Variants in DIP2B observed in about 807,000 individuals in gnomAD.
DIP2B encodes disco-interacting protein 2 homolog B.
A neutral mutation model predicts 198.0 loss-of-function variants in DIP2B; 76 were observed. The observed-to-expected ratio is 0.38, with a 90% confidence interval of 0.32 to 0.46. The LOEUF is 0.46. Ranked by LOEUF, DIP2B falls within the 20% of genes least tolerant of loss-of-function variation. The probability of loss-of-function intolerance (pLI) is 0.99; values close to 1 mark genes in which losing one functional copy is unlikely to be tolerated. For synonymous variants in DIP2B, 701 were observed against 739.1 expected, an observed-to-expected ratio of 0.95 and a Z score of 0.84; for missense variants, 1,559 against 1,978.4, an observed-to-expected ratio of 0.79 and a Z score of 4.02.
At chr12:50,619,216 A>G (rs1258195380) in intron 1 of DIP2B, among the ~76,000 whole-genome samples, 1 of 152,226 alleles carries the variant, frequency 6.6e-6, no homozygotes, top group Non-Finnish European at 1.5e-5. Context: ...ATGACCCTCC[A>G]GAATTTTTCA....
intron 1 of DIP2B, among the ~76,000 whole-genome samples, chr12:50,516,222 T>C (rs1161323792): frequency 1.4e-5 from 2 of 145,356 alleles, no homozygotes; most frequent in Admixed American, 1.4e-4. Context: ...CATCTCTCTC[T>C]CTCTCTCTCT....
At chr12:50,685,017 A>G (rs984836343) in intron 10 of DIP2B, among the ~76,000 whole-genome samples, 10 of 152,192 alleles carry the variant, frequency 6.6e-5, no homozygotes, top group African/African-American at 2.4e-4. Flanking sequence ...GCCTGAACCC[A>G]GGAGGTGGAA....
intron 3 of DIP2B, among the ~76,000 whole-genome samples, chr12:50,647,281 C>A (rs921631227): frequency 2.0e-5 from 3 of 152,132 alleles, no homozygotes; most frequent in Non-Finnish European, 2.9e-5. Flanking sequence ...TTCTCCCCCC[C>A]GCCCAAAACA....
chr12:50,553,023 A>G (rs1236563166), intron 1 of DIP2B, among the ~76,000 whole-genome samples: 1 of 151,950 alleles, frequency 6.6e-6, no homozygotes, highest in African/African-American at 2.4e-5. Context: ...CTTATTAGAG[A>G]CGGGGTTTTG....
chr12:50,529,715 C>T (rs987405133), intron 1 of DIP2B, among the ~76,000 whole-genome samples: 9 of 151,904 alleles, frequency 5.9e-5, no homozygotes, highest in Admixed American at 3.3e-4. Context: ...AAAAAGTAGC[C>T]GGGTGTGGTG....
At chr12:50,517,129 C>T (rs2139346973) in intron 1 of DIP2B, among the ~76,000 whole-genome samples, 3 of 152,144 alleles carry the variant, frequency 2.0e-5, no homozygotes, top group Admixed American at 2.0e-4. Context: ...CCGTGTTAGC[C>T]AGGATGGTCT....
intron 17 of DIP2B, 79 bp from the exon 18 acceptor site, chr12:50,698,249 G>T (rs1939353127): frequency 6.6e-7 from 1 of 1,506,354 alleles, no homozygotes; most frequent in African/African-American, 1.4e-5. Context: ...GTAGCCAGAG[G>T]AAATTTGTCT....
intron 1 of DIP2B, among the ~76,000 whole-genome samples, chr12:50,576,384 T>C (rs1958661193): frequency 6.6e-6 from 1 of 151,604 alleles, no homozygotes. Context: ...TTTTTACATT[T>C]TTAAATGCTT....
At chr12:50,534,191 AT>A (rs1190769503) in intron 1 of DIP2B, among the ~76,000 whole-genome samples, 11 of 152,070 alleles carry the variant, frequency 7.2e-5, no homozygotes, top group Non-Finnish European at 1.5e-4. Context: ...GGGACAAGAG[AT>A]TCATCTGGTC....
At chr12:50,536,171 G>A (rs1441233630) in intron 1 of DIP2B, among the ~76,000 whole-genome samples, 4 of 152,032 alleles carry the variant, frequency 2.6e-5, no homozygotes, top group Non-Finnish European at 4.4e-5. Flanking sequence ...GTGTGCATGT[G>A]TCTTTATAGC....
At chr12:50,738,520 G>C (rs1940178885) in intron 35 of DIP2B, among the ~76,000 whole-genome samples, 1 of 151,996 alleles carries the variant, frequency 6.6e-6, no homozygotes, top group Non-Finnish European at 1.5e-5. Flanking sequence ...GTATTGCTCT[G>C]TCACCCAGGC....
intron 1 of DIP2B, among the ~76,000 whole-genome samples, chr12:50,525,719 C>T (rs1158705242): frequency 6.6e-6 from 1 of 152,020 alleles, no homozygotes; most frequent in African/African-American, 2.4e-5. Context: ...CACTCTGTTG[C>T]CCAGACTTGT....
chr12:50,634,175 T>C (rs1938116143), intron 2 of DIP2B, among the ~76,000 whole-genome samples: 2 of 152,166 alleles, frequency 1.3e-5, no homozygotes, highest in Non-Finnish European at 2.9e-5. Context: ...ATGTCTCAAT[T>C]AGCAGACTTC....
chr12:50,739,285 A>G, intron 35 of DIP2B, 124 bp from the exon 36 acceptor site: 3 of 1,065,442 alleles, frequency 2.8e-6, no homozygotes, highest in South Asian at 3.4e-5. Flanking sequence ...AGCTGCCTTT[A>G]TTGATGCAGT....
intron 1 of DIP2B, among the ~76,000 whole-genome samples, chr12:50,505,903 C>T (rs1957964615): frequency 6.6e-6 from 1 of 151,708 alleles, no homozygotes; most frequent in Non-Finnish European, 1.5e-5. Context: ...CCGAATTTTC[C>T]GCATCTGGTC....
At chr12:50,674,786 A>G (rs533335059) in intron 6 of DIP2B, among the ~76,000 whole-genome samples, 157 bp downstream of exon 6, 2 of 152,388 alleles carry the variant, frequency 1.3e-5, no homozygotes, top group South Asian at 4.1e-4. Flanking sequence ...CATCATCTGC[A>G]CAGTGACAGT....
intron 12 of DIP2B, among the ~76,000 whole-genome samples, chr12:50,690,300 G>A (rs149457405): frequency 4.5e-4 from 68 of 152,262 alleles, no homozygotes; most frequent in African/African-American, 1.0e-3. Context: ...ATTAGCCAGG[G>A]TGGTCTCGAT....
chr12:50,514,191 G>A (rs1461657029), intron 1 of DIP2B, among the ~76,000 whole-genome samples: 2 of 150,938 alleles, frequency 1.3e-5, no homozygotes, highest in African/African-American at 4.9e-5. Context: ...TCAGCCTTCT[G>A]AGTAGCTGGG....
chr12:50,660,603 A>AT (rs1169366734), intron 4 of DIP2B, among the ~76,000 whole-genome samples: 1 of 152,184 alleles, frequency 6.6e-6, no homozygotes, highest in African/African-American at 2.4e-5. Context: ...GTAGTCATAA[A>AT]TACAGGCCAA....
Sources: allele counts gnomAD v4.1 joint callset (sites outside exome capture counted in the v4.1 genomes callset), GRCh38; gene constraint gnomAD v4.1.1; transcripts MANE v1.5; gene names NCBI Gene and HGNC (gene_info 2026-07-23, HGNC 2026-07-21).